The following AJAP1 variants were observed in gnomAD, a reference collection of about 807,000 sequenced individuals.
AJAP1 encodes the protein adherens junctions associated protein 1, also known as adherens junction-associated protein 1.
A neutral mutation model predicts 35.0 loss-of-function variants in AJAP1; 5 were observed. That is an observed-to-expected ratio of 0.14 (90% CI 0.07 to 0.30). The LOEUF (loss-of-function observed/expected upper bound fraction) is 0.30. Ranked by LOEUF, AJAP1 falls within the 10% of genes least tolerant of loss-of-function variation. The pLI, the probability that AJAP1 is intolerant of heterozygous loss-of-function variation, is 1.00. For missense variants in AJAP1, 586 were observed against 571.0 expected (o/e 1.03, Z -0.27); for synonymous variants, 284 against 249.3 (o/e 1.14, Z -1.31).
intron 5 of AJAP1, among the ~76,000 whole-genome samples, chr1:4,781,635 G>A (rs1334068719): frequency 6.6e-6 from 1 of 152,202 alleles, no homozygotes; most frequent in African/African-American, 2.4e-5. Context: ...TACTGTTGAG[G>A]GTCCTGATTG....
intron 1 of AJAP1, among the ~76,000 whole-genome samples, chr1:4,698,373 A>G (rs1248893830): frequency 6.6e-6 from 1 of 152,184 alleles, no homozygotes; most frequent in Non-Finnish European, 1.5e-5. Flanking sequence ...GGTCCCCTGC[A>G]AAGGCGTCAT....
intron 1 of AJAP1, among the ~76,000 whole-genome samples, chr1:4,663,553 C>T (rs1182793257): frequency 6.6e-6 from 1 of 152,178 alleles, no homozygotes; most frequent in Non-Finnish European, 1.5e-5. Flanking sequence ...GGCGCCCAGG[C>T]ACCTCAAATG....
chr1:4,728,467 G>A (rs973005625), intron 2 of AJAP1, among the ~76,000 whole-genome samples: 1 of 152,186 alleles, frequency 6.6e-6, no homozygotes, highest in African/African-American at 2.4e-5. Flanking sequence ...CCGGGTTTGG[G>A]GTTTGGCATC....
intron 2 of AJAP1, among the ~76,000 whole-genome samples, chr1:4,718,674 G>A (rs998154710): frequency 1.3e-5 from 2 of 151,988 alleles, no homozygotes; most frequent in African/African-American, 4.8e-5. Flanking sequence ...GTAGAGACAG[G>A]GTTTCACTAT....
chr1:4,670,169 G>C (rs1022670670), intron 1 of AJAP1, among the ~76,000 whole-genome samples: 1 of 152,152 alleles, frequency 6.6e-6, no homozygotes, highest in Non-Finnish European at 1.5e-5. Flanking sequence ...TCTCATCCTA[G>C]ATTGCAGACA....
chr1:4,731,828 T>C (rs887678402), intron 2 of AJAP1, among the ~76,000 whole-genome samples: 1 of 152,218 alleles, frequency 6.6e-6, no homozygotes, highest in Non-Finnish European at 1.5e-5. Flanking sequence ...GAATTGCCCC[T>C]ACCCTTCCGC....
At position 4,723,887 on chromosome 1, in the gene AJAP1, C is replaced by T. The variant is rs932068297; in HGVS notation, c.829+11188C>T. ...GGACAATGTGGCAGGGACGGAGGAA[C>T]GGGGACAATACAGAAGCCAAGTCCT... is the stretch of plus-strand genomic sequence containing the variant. On this transcript the variant is annotated intron_variant, in intron 2 of 5. Coordinates refer to ENST00000378191, the MANE Select transcript of AJAP1 (RefSeq NM_018836.4). The surrounding 1 kb of genome is among the most constrained non-coding windows in gnomAD (Gnocchi z 4.3). 2.6e-5 allele frequency among the ~76,000 whole-genome samples: 4 copies of T among 151,970 alleles called. No homozygotes were observed. Among genetic ancestry groups the T allele is most frequent in the African/African-American group, 4.8e-5 (2 of 41,364 alleles).
In AJAP1 at chr1:4,734,003, G is replaced by A. The variant is rs1640861343; in HGVS notation, c.829+21304G>A. Among the ~76,000 whole-genome samples, 1 of 152,198 alleles carries A rather than the reference G, an allele frequency of 6.6e-6. No individual in the cohort carries two copies. The highest frequency in any genetic ancestry group is 1.5e-5 in the Non-Finnish European group (1 of 68,028). On this transcript the variant is annotated intron_variant, in intron 2 of 5. Transcript: ENST00000378191. This position sits in a 1 kb window ranked among gnomAD's most constrained non-coding sequence, Gnocchi z 4.3. ...CGCGAGGTGTGTGCGTCGCGAGCAG[G>A]GCCCTTGCCGGAGCTCCAATTAGCG...
chr1:4,740,514 G>A (rs887036238), intron 2 of AJAP1, among the ~76,000 whole-genome samples: 4 of 152,006 alleles, frequency 2.6e-5, no homozygotes, highest in African/African-American at 7.2e-5. Flanking sequence ...GGCCGGGCAC[G>A]GTGGCTCACG....
At chr1:4,728,042 G>C (rs1640711286) in intron 2 of AJAP1, among the ~76,000 whole-genome samples, 2 of 152,220 alleles carry the variant, frequency 1.3e-5, no homozygotes, top group Non-Finnish European at 2.9e-5. Flanking sequence ...ACCTAACAAA[G>C]CCATAGCCAG....
chr1:4,685,073 A>G (rs1392151227), intron 1 of AJAP1, among the ~76,000 whole-genome samples: 2 of 152,180 alleles, frequency 1.3e-5, no homozygotes, highest in African/African-American at 4.8e-5. Context: ...TGGAGGATGC[A>G]GTCATGGCCC....
At position 4,692,135 on chromosome 1, in the gene AJAP1, G is replaced by C. The variant is rs890275357; in HGVS notation, c.30-19765G>C. Among the ~76,000 whole-genome samples, 3 of 152,150 alleles carry C rather than the reference G, an allele frequency of 2.0e-5. No homozygotes were observed. The highest frequency in any genetic ancestry group is 2.9e-5 in the Non-Finnish European group (2 of 68,034). ...TGCGTGGATCTATTATCTCTGCATCGTTGCCGCCTTCTCGAGGGTTAGGAG... is the reference window on the plus strand; with the variant it reads ...TGCGTGGATCTATTATCTCTGCATCCTTGCCGCCTTCTCGAGGGTTAGGAG... On this transcript the variant is annotated intron_variant, in intron 1 of 5. Coordinates refer to ENST00000378191, the MANE Select transcript of AJAP1 (RefSeq NM_018836.4). The surrounding 1 kb of genome is among the most constrained non-coding windows in gnomAD (Gnocchi z 4.4).
At position 4,734,678 on chromosome 1, in the gene AJAP1, G is replaced by T; in HGVS notation, c.829+21979G>T. On this transcript the variant is annotated intron_variant, in intron 2 of 5. Transcript: ENST00000378191. The surrounding 1 kb of genome is among the most constrained non-coding windows in gnomAD (Gnocchi z 4.3). ...TCGGACTGCACTGGATGGGGCTGGA[G>T]TGGCACCTGTGGGCGATGCTGAATA... Among the ~76,000 whole-genome samples the T allele has an allele frequency of 6.6e-6, 1 of 152,198 alleles. No individual in the cohort carries two copies. The highest frequency in any genetic ancestry group is 1.9e-4 in the East Asian group (1 of 5,194).
chr1:4,688,158 C>T (rs553496055), intron 1 of AJAP1, among the ~76,000 whole-genome samples: 51 of 152,174 alleles, frequency 3.4e-4, no homozygotes, highest in Admixed American at 1.3e-3. Context: ...CCCAGTGAGA[C>T]GGGGGTCCCT....
At position 4,705,821 on chromosome 1, in the gene AJAP1, T is replaced by C. The variant is rs151162893; in HGVS notation, c.30-6079T>C. 3.2e-4 allele frequency among the ~76,000 whole-genome samples: 48 copies of C among 151,826 alleles called. 1 individual carries two copies. Among genetic ancestry groups the C allele is most frequent in the African/African-American group, 1.1e-3 (46 of 41,430 alleles). On this transcript the variant is annotated intron_variant, in intron 1 of 5. Coordinates refer to ENST00000378191, the MANE Select transcript of AJAP1 (RefSeq NM_018836.4). Reference sequence around the variant, plus strand: ...GAGGAGCCAAACGAGACACAACCATTTGATGCCACGTGGTATTCTGGATGG... The same window carrying C: ...GAGGAGCCAAACGAGACACAACCATCTGATGCCACGTGGTATTCTGGATGG...
At chr1:4,685,666 G>A (rs1162268339) in intron 1 of AJAP1, among the ~76,000 whole-genome samples, 3 of 146,874 alleles carry the variant, frequency 2.0e-5, no homozygotes, top group Admixed American at 2.0e-4. Flanking sequence ...CTGCCCCAGC[G>A]AAGGAGAGGC....
At chr1:4,662,349 A>G (rs1639017359) in intron 1 of AJAP1, among the ~76,000 whole-genome samples, 1 of 152,162 alleles carries the variant, frequency 6.6e-6, no homozygotes, top group Non-Finnish European at 1.5e-5. Context: ...GCATGTGGTC[A>G]TCCTTTTTGT....
intron 5 of AJAP1, among the ~76,000 whole-genome samples, chr1:4,776,758 C>T (rs1020087084): frequency 3.3e-5 from 5 of 151,232 alleles, no homozygotes; most frequent in African/African-American, 7.4e-5. Context: ...CCAGGTGGAC[C>T]CCACTTCCCA....
At chr1:4,730,230 CAG>C (rs1004416770) in intron 2 of AJAP1, among the ~76,000 whole-genome samples, 1 of 152,202 alleles carries the variant, frequency 6.6e-6, no homozygotes, top group Non-Finnish European at 1.5e-5. Flanking sequence ...GAGGAGGAGA[CAG>C]GGAGCAAACA....
Sources: allele counts gnomAD v4.1 joint callset (sites outside exome capture counted in the v4.1 genomes callset), GRCh38; gene constraint gnomAD v4.1.1; non-coding constraint Gnocchi (gnomAD v3.1); transcripts MANE v1.5; gene names NCBI Gene and HGNC (gene_info 2026-07-23, HGNC 2026-07-21).